Variants in SRGAP3 observed in about 807,000 individuals in gnomAD.
SRGAP3 encodes the protein SLIT-ROBO Rho GTPase activating protein 3.
A neutral mutation model predicts 121.1 loss-of-function variants in SRGAP3; 39 were observed. That is an observed-to-expected ratio of 0.32 (90% confidence interval 0.25 to 0.42). SRGAP3 has a LOEUF of 0.42. Among genes scored for constraint, SRGAP3 ranks in the 10% least tolerant of loss-of-function variants. The probability of loss-of-function intolerance (pLI) is 1.00; values close to 1 mark genes in which losing one functional copy is unlikely to be tolerated. For synonymous variants in SRGAP3, 601 were observed against 570.0 expected (o/e 1.05, Z -0.77); for missense variants, 1,213 against 1,470.6 (o/e 0.82, Z 2.86).
intron 2 of SRGAP3, among the ~76,000 whole-genome samples, chr3:9,105,355 C>A (rs531057994): frequency 6.6e-5 from 10 of 152,150 alleles, no homozygotes; most frequent in African/African-American, 1.9e-4. Context: ...TGCCCCTCCA[C>A]GGAGCTGTTG....
chr3:9,206,795 C>A (rs1034654544), intron 1 of SRGAP3, among the ~76,000 whole-genome samples: 2 of 152,174 alleles, frequency 1.3e-5, no homozygotes, highest in Non-Finnish European at 2.9e-5. Flanking sequence ...CACCGCATCC[C>A]CCTAGTCTCT....
intron 1 of SRGAP3, among the ~76,000 whole-genome samples, chr3:9,154,660 C>A (rs569941157): frequency 2.0e-5 from 3 of 152,302 alleles, no homozygotes; most frequent in Non-Finnish European, 4.4e-5. Flanking sequence ...GCGGGCTGAG[C>A]GGCCAACTGA....
At position 9,248,868 on chromosome 3, in the gene SRGAP3, C is replaced by T. The variant is rs751290333; in HGVS notation, c.67+17G>A. 1.9e-6 allele frequency: 3 copies of T among 1,613,870 alleles called. No individual in the cohort carries two copies. The highest frequency in any genetic ancestry group is 2.5e-6 in the Non-Finnish European group (3 of 1,179,832). On this transcript the variant is annotated intron_variant, in intron 1 of 21. Transcript: ENST00000383836. The stretch of plus-strand genomic sequence containing the variant: ...GAAAGGGGAGGAGAAGGAAAACTCT[C>T]CCAGCCCGCATCTCACCTTTTATTT...
chr3:9,256,233 T>C (rs1954129974), intron 3 of SRGAP3, among the ~76,000 whole-genome samples: 1 of 152,240 alleles, frequency 6.6e-6, no homozygotes, highest in Admixed American at 6.5e-5. Context: ...TCAGCCCACA[T>C]GTCTGCGTGT....
intron 1 of SRGAP3, among the ~76,000 whole-genome samples, chr3:9,358,167 A>C (rs1307821572): frequency 6.6e-6 from 1 of 152,174 alleles, no homozygotes; most frequent in East Asian, 1.9e-4. Context: ...GACCATCTTT[A>C]CTACCTAATT....
At chr3:9,143,562 A>T (rs931859491) in intron 1 of SRGAP3, among the ~76,000 whole-genome samples, 1 of 152,222 alleles carries the variant, frequency 6.6e-6, no homozygotes, top group Admixed American at 6.5e-5. Context: ...TCCATAATAG[A>T]ATATATAAAA....
At chr3:9,125,077 A>G in intron 1 of SRGAP3, 160 bp from the exon 2 acceptor site, 1 of 785,674 alleles carries the variant, frequency 1.3e-6, no homozygotes, top group East Asian at 2.7e-5. Flanking sequence ...TGCTTGGCAG[A>G]GCATTGGCAC....
chr3:9,150,819 A>G (rs577943545), intron 1 of SRGAP3, among the ~76,000 whole-genome samples: 99 of 152,346 alleles, frequency 6.5e-4, no homozygotes, highest in African/African-American at 2.3e-3. Flanking sequence ...CCATTCATTC[A>G]TTCAGCCAAG....
At chr3:9,022,160 C>T (rs1943955627) in intron 14 of SRGAP3, among the ~76,000 whole-genome samples, 1 of 152,150 alleles carries the variant, frequency 6.6e-6, no homozygotes, top group Non-Finnish European at 1.5e-5. Flanking sequence ...AACCCTGTCT[C>T]TACCAAAAAT....
chr3:9,297,907 A>AG (rs1954979284), intron 3 of SRGAP3, among the ~76,000 whole-genome samples: 1 of 152,058 alleles, frequency 6.6e-6, no homozygotes, highest in South Asian at 2.1e-4. Flanking sequence ...AAAAAAAAAA[A>AG]AGAGAAAGAG....
rs770833956 is a variant in SRGAP3 at position 9,060,289 on chromosome 3, G to A, written c.743C>T (p.Ala248Val). The A allele has an allele frequency of 5.0e-6, 8 of 1,614,214 alleles. No individual in the cohort carries two copies. In the South Asian group the frequency reaches 7.7e-5, roughly 16 times the overall value. ...TTTGCTTATAGCTGCGTTGGTGGCT[G>A]CCAGATTGAGCAAGTAGTCATTCCG... Reference protein sequence around the residue: ...KARNDYLLNLAATNAAISKYY... With the variant: ...KARNDYLLNLVATNAAISKYY... Residue 248 changes from alanine to valine, a missense_variant, in exon 6 of 22, where the codon GCA becomes GTA. Around this residue, in one of 2 missense-constraint regions of SRGAP3, gnomAD observed 793 missense variants for 1,032.9 expected, o/e 0.77. Transcript: ENST00000383836.
chr3:9,290,170 T>G (rs1242244120), intron 3 of SRGAP3, among the ~76,000 whole-genome samples: 2 of 152,140 alleles, frequency 1.3e-5, no homozygotes. Flanking sequence ...ACAAGCCAGT[T>G]TGGGGCCCTG....
chr3:9,198,383 T>C (rs1429551159), intron 1 of SRGAP3, among the ~76,000 whole-genome samples: 2 of 152,204 alleles, frequency 1.3e-5, no homozygotes, highest in African/African-American at 2.4e-5. Context: ...AATTCCCACA[T>C]GCAGTGATGA....
chr3:9,278,576 G>A (rs1954623932), intron 3 of SRGAP3, among the ~76,000 whole-genome samples: 1 of 152,320 alleles, frequency 6.6e-6, no homozygotes, highest in South Asian at 2.1e-4. Context: ...TATGTCACGA[G>A]AAAGTGCTTT....
intron 1 of SRGAP3, among the ~76,000 whole-genome samples, chr3:9,178,682 C>T (rs537107357): frequency 4.6e-5 from 7 of 152,232 alleles, no homozygotes; most frequent in African/African-American, 9.6e-5. Flanking sequence ...AGCAGGCTGA[C>T]GGCATGACGG....
chr3:9,075,145 G>A (rs921677030), intron 4 of SRGAP3, among the ~76,000 whole-genome samples: 1 of 152,216 alleles, frequency 6.6e-6, no homozygotes, highest in Admixed American at 6.5e-5. Context: ...GCCTCTTCTA[G>A]AAGGATTGCC....
intron 18 of SRGAP3, among the ~76,000 whole-genome samples, chr3:9,003,542 AG>A (rs1409487410): frequency 1.3e-5 from 2 of 152,204 alleles, no homozygotes; most frequent in East Asian, 3.8e-4. Context: ...TAGCATAAAA[AG>A]AACTATCCTC....
intron 1 of SRGAP3, among the ~76,000 whole-genome samples, chr3:9,226,956 A>G (rs552174045): frequency 1.3e-5 from 2 of 152,224 alleles, no homozygotes; most frequent in South Asian, 4.1e-4. Flanking sequence ...TTTATGGAGG[A>G]TTGGCTCAAG....
chr3:9,035,422 G>A (rs773044093), intron 11 of SRGAP3: 1 of 173,708 alleles, frequency 5.8e-6, no homozygotes, highest in Non-Finnish European at 1.2e-5. Flanking sequence ...TTTGTGTGGT[G>A]CTCTGTGCAC....
Sources: gnomAD v4.1 joint callset for allele counts (sites outside exome capture counted in the v4.1 genomes callset) on GRCh38, gnomAD v4.1.1 for gene constraint, gnomAD v4.1.1 regional missense constraint, MANE v1.5 for transcripts, NCBI Gene and HGNC (gene_info 2026-07-23, HGNC 2026-07-21) for gene names.